Variants in ZNF385D observed in about 807,000 individuals in gnomAD.
ZNF385D encodes zinc finger protein 659.
Under a neutral mutation model 35.8 loss-of-function variants are expected in ZNF385D, and 15 were observed. That is an observed-to-expected ratio of 0.42 (90% CI 0.28 to 0.64). The LOEUF (loss-of-function observed/expected upper bound fraction) is 0.64. Among genes scored for constraint, ZNF385D ranks in the 30% least tolerant of loss-of-function variants. The probability of loss-of-function intolerance (pLI) is 0.23; values close to 1 mark genes in which losing one functional copy is unlikely to be tolerated. For synonymous variants in ZNF385D, 212 were observed against 186.8 expected (o/e 1.13, Z -1.10); for missense variants, 474 against 494.6 (o/e 0.96, Z 0.39).
intron 3 of ZNF385D, among the ~76,000 whole-genome samples, chr3:21,765,728 G>C (rs1055598740): frequency 7.4e-6 from 1 of 135,814 alleles, no homozygotes; most frequent in Non-Finnish European, 1.7e-5. Flanking sequence ...CACACAGAGA[G>C]AGAAAGAGAG....
At chr3:21,742,310 C>T (rs191916583) in intron 1 of ZNF385D, among the ~76,000 whole-genome samples, 25 of 152,190 alleles carry the variant, frequency 1.6e-4, no homozygotes, top group African/African-American at 5.3e-4. Context: ...CTGCCAAAAG[C>T]TCTTGAACCA....
chr3:22,315,152 T>G (rs555957953), intron 2 of ZNF385D, among the ~76,000 whole-genome samples: 2 of 151,882 alleles, frequency 1.3e-5, no homozygotes, highest in Non-Finnish European at 2.9e-5. Flanking sequence ...GGAGAAAAAA[T>G]GAAGCAGGAC....
intron 3 of ZNF385D, among the ~76,000 whole-genome samples, chr3:22,139,198 T>A (rs538759732): frequency 0.016 from 2,411 of 152,184 alleles, 28 homozygotes; most frequent in Non-Finnish European, 0.023. Context: ...ATTGTGGAAG[T>A]CGGTGTGGCG....
At chr3:22,034,412 G>C (rs1433291461) in intron 3 of ZNF385D, among the ~76,000 whole-genome samples, 1 of 152,054 alleles carries the variant, frequency 6.6e-6, no homozygotes, top group Non-Finnish European at 1.5e-5. Flanking sequence ...ATTTATTTCT[G>C]TTATTTATAT....
intron 4 of ZNF385D, among the ~76,000 whole-genome samples, chr3:21,477,662 T>C (rs1288785682): frequency 1.3e-5 from 2 of 152,132 alleles, no homozygotes; most frequent in Non-Finnish European, 2.9e-5. Context: ...TATCTAACCC[T>C]GACATTCTAA....
At chr3:21,851,281 T>C (rs1696371076) in intron 3 of ZNF385D, among the ~76,000 whole-genome samples, 1 of 152,064 alleles carries the variant, frequency 6.6e-6, no homozygotes, top group Non-Finnish European at 1.5e-5. Flanking sequence ...ACTACAGGCA[T>C]ACCTTGGAGA....
At chr3:21,627,729 G>T (rs1177654781) in intron 2 of ZNF385D, among the ~76,000 whole-genome samples, 46 of 152,184 alleles carry the variant, frequency 3.0e-4, no homozygotes, top group Non-Finnish European at 8.8e-5. Flanking sequence ...AGCAAAATGT[G>T]TGCAGCTGGA....
chr3:22,175,086 T>C (rs558114834), intron 2 of ZNF385D, among the ~76,000 whole-genome samples: 2 of 97,268 alleles, frequency 2.1e-5, no homozygotes, highest in African/African-American at 4.1e-5. Flanking sequence ...GTCTAGTCCA[T>C]TTCACAGAAG....
At chr3:22,129,489 G>C (rs1609171) in intron 3 of ZNF385D, among the ~76,000 whole-genome samples, 3 of 152,052 alleles carry the variant, frequency 2.0e-5, no homozygotes, top group South Asian at 2.1e-4. Flanking sequence ...AGGGACTTTA[G>C]GAATTGGCTT....
chr3:22,312,489 T>C (rs577163781), intron 2 of ZNF385D, among the ~76,000 whole-genome samples: 1 of 152,062 alleles, frequency 6.6e-6, no homozygotes, highest in African/African-American at 2.4e-5. Flanking sequence ...GAGAAAATTT[T>C]TGCAACCTAC....
intron 3 of ZNF385D, among the ~76,000 whole-genome samples, chr3:21,882,346 A>G (rs2673536): frequency 0.3 from 46,301 of 151,878 alleles, 7,109 homozygotes; most frequent in Middle Eastern, 0.38. Context: ...TCCACCAACG[A>G]AAAGATTATG....
At chr3:22,326,749 A>G (rs886779357) in intron 2 of ZNF385D, among the ~76,000 whole-genome samples, 2 of 152,236 alleles carry the variant, frequency 1.3e-5, no homozygotes, top group Admixed American at 6.5e-5. Flanking sequence ...ATTGACCATA[A>G]GTGTACAGCT....
chr3:22,150,576 AAAG>A (rs1378015315), intron 3 of ZNF385D, among the ~76,000 whole-genome samples: 4 of 152,142 alleles, frequency 2.6e-5, no homozygotes, highest in Non-Finnish European at 5.9e-5. Context: ...TGAGCACTAA[AAAG>A]AAGATAAATA....
At position 22,162,976 on chromosome 3, in the gene ZNF385D, G is replaced by A. The variant is rs76315090; in HGVS notation, c.325+5841C>T. Among the ~76,000 whole-genome samples, 530 of 152,290 alleles carry A rather than the reference G, an allele frequency of 3.5e-3. 5 individuals carry two copies. Among genetic ancestry groups the A allele is most frequent in the African/African-American group, 0.012 (497 of 41,556 alleles). ...TGAAGCGTAAGAAAAGCAGGACATAGTAGAGAGTGAGGTTAGCCTGTGATA... is the reference window on the plus strand; with the variant it reads ...TGAAGCGTAAGAAAAGCAGGACATAATAGAGAGTGAGGTTAGCCTGTGATA... On this transcript the variant is annotated intron_variant, in intron 3 of 5. Coordinates refer to the ZNF385D transcript ENST00000494108.
intron 3 of ZNF385D, among the ~76,000 whole-genome samples, chr3:22,166,889 C>T (rs903610806): frequency 8.5e-5 from 13 of 152,208 alleles, no homozygotes; most frequent in African/African-American, 2.9e-4. Flanking sequence ...ATAACCAATA[C>T]AAACTTAAAG....
intron 3 of ZNF385D, among the ~76,000 whole-genome samples, chr3:21,804,626 A>T (rs1298006765): frequency 6.6e-6 from 1 of 152,314 alleles, no homozygotes; most frequent in African/African-American, 2.4e-5. Flanking sequence ...CCTTCCTTCT[A>T]CTTAAGAGCT....
chr3:21,964,280 G>T (rs1381089117), intron 3 of ZNF385D, among the ~76,000 whole-genome samples: 1 of 151,092 alleles, frequency 6.6e-6, no homozygotes, highest in Non-Finnish European at 1.5e-5. Context: ...TGGCATCATT[G>T]TATGTGTGAA....
At chr3:21,735,943 T>A (rs901923341) in intron 1 of ZNF385D, among the ~76,000 whole-genome samples, 1 of 152,210 alleles carries the variant, frequency 6.6e-6, no homozygotes, top group Admixed American at 6.5e-5. Context: ...ATGTCCCTAC[T>A]ACCAAGATTC....
chr3:21,660,065 G>T (rs1399747381), intron 2 of ZNF385D, among the ~76,000 whole-genome samples: 1 of 151,990 alleles, frequency 6.6e-6, no homozygotes, highest in East Asian at 1.9e-4. Context: ...TTGGTCCTTT[G>T]TAAAACTAGG....
Sources: gnomAD v4.1 joint callset for allele counts (sites outside exome capture counted in the v4.1 genomes callset) on GRCh38, gnomAD v4.1.1 for gene constraint, MANE v1.5 for transcripts, NCBI Gene and HGNC (gene_info 2026-07-23, HGNC 2026-07-21) for gene names.